Variants in GOLT1A observed in about 807,000 individuals in gnomAD.
GOLT1A encodes vesicle transport protein GOT1A.
A neutral mutation model predicts 16.1 loss-of-function variants in GOLT1A; 10 were observed. The observed-to-expected ratio is 0.62, with a 90% CI of 0.38 to 1.05. The LOEUF (loss-of-function observed/expected upper bound fraction) is 1.05, where lower values mean the gene tolerates loss of function less well. Among genes scored for constraint, GOLT1A ranks in the 50% least tolerant of loss-of-function variants. The probability of loss-of-function intolerance (pLI) is 0.01; values close to 1 mark genes in which losing one functional copy is unlikely to be tolerated. For synonymous variants in GOLT1A, 60 were observed against 67.9 expected (o/e 0.88, Z 0.57); for missense variants, 137 against 165.7 (o/e 0.83, Z 0.95).
At chr1:204,201,598 T>C (rs1658962042) in intron 3 of GOLT1A, 35 bp downstream of exon 3, 1 of 1,599,812 alleles carries the variant, frequency 6.3e-7, no homozygotes, top group African/African-American at 1.3e-5. Flanking sequence ...GACACTTTGG[T>C]GGGTCTGTCC....
intron 1 of GOLT1A, among the ~76,000 whole-genome samples, chr1:204,211,741 G>A (rs1294659701): frequency 6.6e-6 from 1 of 152,164 alleles, no homozygotes; most frequent in Non-Finnish European, 1.5e-5. Context: ...GATTGTGGGT[G>A]GGGAAGCGGG....
chr1:204,213,132 G>A (rs1443975057), intron 1 of GOLT1A, among the ~76,000 whole-genome samples: 2 of 152,114 alleles, frequency 1.3e-5, no homozygotes, highest in Non-Finnish European at 2.9e-5. Context: ...TTCATCTGGA[G>A]GACTTATCAT....
chr1:204,208,476 G>GTGTGTATATA (rs1286299770), intron 1 of GOLT1A, among the ~76,000 whole-genome samples: 476 of 39,738 alleles, frequency 0.012, 8 homozygotes, highest in Non-Finnish European at 0.018. Context: ...GTGTGTGTGT[G>GTGTGTATATA]TATATATATA....
intron 1 of GOLT1A, among the ~76,000 whole-genome samples, chr1:204,206,686 G>T (rs956614307): frequency 1.1e-4 from 16 of 152,248 alleles, no homozygotes; most frequent in Non-Finnish European, 1.2e-4. Context: ...GTGTATTTGT[G>T]TGGAAACACG....
Position 204,206,928 on chromosome 1 carries a change from GC to G in GOLT1A, c.26-3942del, listed in dbSNP as rs370683310. ...TCTACACTCTTCTTTAAGGGCAGAT[GC>G]AATTCCAGGACTCTCCTGTGATGGG... On this transcript the variant is annotated intron_variant, in intron 1 of 4. Transcript: ENST00000308302. Among the ~76,000 whole-genome samples the G allele has an allele frequency of 2.6e-3, 390 of 152,324 alleles. 5 individuals carry two copies. Among genetic ancestry groups the G allele is most frequent in the South Asian group, 0.022 (105 of 4,820 alleles).
rs1279434318 is a variant in GOLT1A at position 204,200,307 on chromosome 1, A to G, written c.297-1049T>C. ...GAAAATGACATATATGTGTATATAT[A>G]TATATATATATATGTTTTTGTTTTT... On this transcript the variant is annotated intron_variant, in intron 3 of 4. Transcript: ENST00000308302. 8.1e-4 allele frequency among the ~76,000 whole-genome samples: 67 copies of G among 82,848 alleles called. 5 individuals are homozygous for G. The highest frequency in any genetic ancestry group is 4.2e-3 in the African/African-American group (54 of 12,982). 54.4% of individuals were successfully genotyped at this position (82,848 alleles called of 152,430 possible). A position where few individuals can be genotyped will look rare whatever the true frequency, so the allele number is the denominator to read the frequency against.
Position 204,198,362 on chromosome 1 carries a change from G to T in GOLT1A, c.*96C>A. The stretch of plus-strand genomic sequence containing the variant: ...ACTTGGGGAGGTCCGGATATGTCGG[G>T]GAGTGAGTCAGTGCAGGGGACTGAG... On this transcript the variant is annotated 3_prime_UTR_variant, in exon 5 of 5. Coordinates refer to ENST00000308302, the MANE Select transcript of GOLT1A (RefSeq NM_198447.2). 1 of 1,125,362 alleles carries T rather than the reference G, an allele frequency of 8.9e-7. No homozygotes were observed. The highest frequency in any genetic ancestry group is 1.3e-6 in the Non-Finnish European group (1 of 755,294). 69.7% of individuals were successfully genotyped at this position (1,125,362 alleles called of 1,614,324 possible). A position where few individuals can be genotyped will look rare whatever the true frequency, so the allele number is the denominator to read the frequency against.
intron 1 of GOLT1A, among the ~76,000 whole-genome samples, chr1:204,212,066 TCA>T: frequency 6.6e-6 from 1 of 152,234 alleles, no homozygotes; most frequent in East Asian, 1.9e-4. Flanking sequence ...AACTCCAGAC[TCA>T]CATACCCAAC....
At chr1:204,204,125 TCTGTTG>T (rs1305467734) in intron 1 of GOLT1A, among the ~76,000 whole-genome samples, 1 of 152,236 alleles carries the variant, frequency 6.6e-6, no homozygotes, top group Non-Finnish European at 1.5e-5. Context: ...AAAAATTCAT[TCTGTTG>T]CTTTGTTTTT....
chr1:204,212,344 G>A (rs769740916), intron 1 of GOLT1A, among the ~76,000 whole-genome samples: 8 of 152,154 alleles, frequency 5.3e-5, no homozygotes, highest in Non-Finnish European at 8.8e-5. Flanking sequence ...ACTCAGGACT[G>A]GCTTCCCTGG....
At chr1:204,213,206 G>A (rs1358133834) in intron 1 of GOLT1A, among the ~76,000 whole-genome samples, 2 of 152,196 alleles carry the variant, frequency 1.3e-5, no homozygotes, top group Non-Finnish European at 2.9e-5. Context: ...AATGTAAGCA[G>A]GGAGTCAGTT....
rs1050097034 is a variant in GOLT1A, at chr1:204,200,328, T to A, written c.297-1070A>T. Among the ~76,000 whole-genome samples, 46 of 87,760 alleles carry A rather than the reference T, an allele frequency of 5.2e-4. 1 individual carries two copies. The highest frequency in any genetic ancestry group is 3.3e-3 in the African/African-American group (45 of 13,590). The allele number at this position is 87,760 out of a possible 152,430, so 57.6% of individuals were successfully genotyped here. A position where few individuals can be genotyped will look rare whatever the true frequency, so the allele number is the denominator to read the frequency against. On this transcript the variant is annotated intron_variant, in intron 3 of 4. Coordinates refer to ENST00000308302, the MANE Select transcript of GOLT1A (RefSeq NM_198447.2). ...ATATATATATATATATATGTTTTTG[T>A]TTTTTTTTTTTTGAGAGAGAGAGTC...
chr1:204,212,976 T>C (rs1659162745), intron 1 of GOLT1A, among the ~76,000 whole-genome samples: 1 of 152,280 alleles, frequency 6.6e-6, no homozygotes, highest in Admixed American at 6.5e-5. Context: ...TCCAGAGAGC[T>C]GCGTGGCTTT....
intron 1 of GOLT1A, among the ~76,000 whole-genome samples, chr1:204,205,085 A>C (rs538269927): frequency 2.0e-5 from 3 of 152,190 alleles, no homozygotes; most frequent in Non-Finnish European, 4.4e-5. Context: ...TATGATTTGC[A>C]AATATTTCCT....
At chr1:204,201,571 G>A in intron 3 of GOLT1A, 62 bp downstream of exon 3, 1 of 1,535,806 alleles carries the variant, frequency 6.5e-7, no homozygotes, top group Non-Finnish European at 8.9e-7. Flanking sequence ...CCCTGCTGGG[G>A]TGATCTCAGC....
At chr1:204,199,342 G>C in intron 3 of GOLT1A, 84 bp from the exon 4 acceptor site, 1 of 1,103,154 alleles carries the variant, frequency 9.1e-7, no homozygotes, top group South Asian at 1.3e-5. Context: ...CCACTGAAAG[G>C]TTCAAGCTCT....
At chr1:204,210,566 G>A (rs1553234801) in intron 1 of GOLT1A, among the ~76,000 whole-genome samples, 2 of 152,208 alleles carry the variant, frequency 1.3e-5, no homozygotes, top group Admixed American at 6.5e-5. Flanking sequence ...GGGACTACAG[G>A]CACTTGGCCA....
chr1:204,203,107 G>A (rs1359576950), intron 1 of GOLT1A, 120 bp from the exon 2 acceptor site: 1 of 695,502 alleles, frequency 1.4e-6, no homozygotes. Flanking sequence ...TTCCATCCAG[G>A]AATCTCAGCT....
At chr1:204,204,845 T>TTTTGA (rs1280548475) in intron 1 of GOLT1A, among the ~76,000 whole-genome samples, 1 of 152,236 alleles carries the variant, frequency 6.6e-6, no homozygotes, top group East Asian at 1.9e-4. Flanking sequence ...TTTTGTTTTG[T>TTTTGA]TTTGATAGCA....
Sources: allele counts gnomAD v4.1 joint callset (sites outside exome capture counted in the v4.1 genomes callset), GRCh38; gene constraint gnomAD v4.1.1; transcripts MANE v1.5; gene names NCBI Gene and HGNC (gene_info 2026-07-23, HGNC 2026-07-21).